HSD17B6: variants seen among roughly 807,000 people sequenced by gnomAD.
HSD17B6 encodes hydroxysteroid 17-beta dehydrogenase 6.
Under a neutral mutation model 26.4 loss-of-function variants are expected in HSD17B6, and 16 were observed. The ratio of observed to expected loss-of-function variants is 0.61; its 90% CI spans 0.41 to 0.92. The LOEUF (loss-of-function observed/expected upper bound fraction) is 0.92. HSD17B6 is among the 40% of genes least tolerant of loss of function. The probability of loss-of-function intolerance (pLI) is 0.00; values close to 1 mark genes in which losing one functional copy is unlikely to be tolerated. For missense variants in HSD17B6, 357 were observed against 386.1 expected (o/e 0.92, Z 0.63); for synonymous variants, 139 against 153.0 (o/e 0.91, Z 0.68).
rs75261194 is a variant in HSD17B6 at position 56,781,094 on chromosome 12, G to A, written c.314-880G>A. On this transcript the variant is annotated intron_variant, in intron 2 of 4. Coordinates refer to ENST00000322165, the MANE Select transcript of HSD17B6 (RefSeq NM_003725.4). ...TTATGTTCAAGTGCTATTTCTTTAC[G>A]ACACCAAAAAGCAAACATTTCAAAC... Among the ~76,000 whole-genome samples, 566 of 152,098 alleles carry A rather than the reference G, an allele frequency of 3.7e-3. 3 individuals carry two copies. The highest frequency in any genetic ancestry group is 0.013 in the African/African-American group (537 of 41,498).
At chr12:56,777,170 C>T (rs1046369884) in intron 2 of HSD17B6, among the ~76,000 whole-genome samples, 3 of 152,122 alleles carry the variant, frequency 2.0e-5, no homozygotes, top group Non-Finnish European at 4.4e-5. Context: ...ATTGCTTGAG[C>T]AGGAGTTTGA....
chr12:56,771,413 G>A (rs946564560), intron 1 of HSD17B6, among the ~76,000 whole-genome samples: 3 of 151,196 alleles, frequency 2.0e-5, no homozygotes, highest in Non-Finnish European at 2.9e-5. Context: ...TTAGAACAGA[G>A]CCTGATACAC....
At chr12:56,784,100 C>T (rs1954816164) in intron 3 of HSD17B6, among the ~76,000 whole-genome samples, 1 of 151,642 alleles carries the variant, frequency 6.6e-6, no homozygotes, top group South Asian at 2.1e-4. Flanking sequence ...AGAGACGCTC[C>T]TCACTTCCTA....
At chr12:56,778,674 C>CTTT (rs1159153527) in intron 2 of HSD17B6, among the ~76,000 whole-genome samples, 10 of 122,964 alleles carry the variant, frequency 8.1e-5, no homozygotes, top group East Asian at 2.5e-4. Context: ...GAGTCTTTTT[C>CTTT]TTTTTTTTTT....
At chr12:56,786,670 T>G (rs1954881982) in intron 4 of HSD17B6, among the ~76,000 whole-genome samples, 3 of 152,134 alleles carry the variant, frequency 2.0e-5, no homozygotes, top group Admixed American at 6.5e-5. Flanking sequence ...GGCAACATAG[T>G]GAGACCTTGT....
At chr12:56,768,966 G>C (rs1954406295) in intron 1 of HSD17B6, among the ~76,000 whole-genome samples, 1 of 151,714 alleles carries the variant, frequency 6.6e-6, no homozygotes, top group Non-Finnish European at 1.5e-5. Context: ...GAAACTGTGA[G>C]AGGATTGCAG....
intron 1 of HSD17B6, chr12:56,770,690 A>C (rs1307111442): frequency 6.6e-6 from 1 of 152,164 alleles, no homozygotes; most frequent in Non-Finnish European, 1.5e-5. Context: ...CAAGGGCCTT[A>C]TAGTCTAAAA....
At chr12:56,766,427 C>T (rs567565009) in intron 1 of HSD17B6, among the ~76,000 whole-genome samples, 17 of 152,264 alleles carry the variant, frequency 1.1e-4, no homozygotes, top group African/African-American at 4.1e-4. Context: ...CCTGAAATGC[C>T]CTGGTTCCCA....
At chr12:56,780,607 C>T (rs1592370756) in intron 2 of HSD17B6, among the ~76,000 whole-genome samples, 1 of 152,144 alleles carries the variant, frequency 6.6e-6, no homozygotes, top group South Asian at 2.1e-4. Flanking sequence ...ATCTGTAATC[C>T]CAGCACTTTG....
At chr12:56,785,667 G>T (rs1954859803) in intron 4 of HSD17B6, among the ~76,000 whole-genome samples, 1 of 152,234 alleles carries the variant, frequency 6.6e-6, no homozygotes, top group Non-Finnish European at 1.5e-5. Context: ...TTAGAGGCAT[G>T]GACCCTTGAG....
At chr12:56,784,253 C>T (rs1226858962) in intron 3 of HSD17B6, among the ~76,000 whole-genome samples, 3 of 152,082 alleles carry the variant, frequency 2.0e-5, no homozygotes, top group Admixed American at 2.0e-4. Flanking sequence ...GGCAGAGACG[C>T]TCCTCACTTC....
At chr12:56,768,570 TAG>T (rs890609245) in intron 1 of HSD17B6, among the ~76,000 whole-genome samples, 1 of 151,868 alleles carries the variant, frequency 6.6e-6, no homozygotes, top group African/African-American at 2.4e-5. Context: ...GGGTAGGAAT[TAG>T]AGTGTCCAGG....
At chr12:56,783,880 C>G (rs1232122413) in intron 3 of HSD17B6, among the ~76,000 whole-genome samples, 2 of 151,056 alleles carry the variant, frequency 1.3e-5, no homozygotes, top group East Asian at 3.9e-4. Context: ...ACTTCCCAGA[C>G]GGGGTGGCAG....
intron 3 of HSD17B6, among the ~76,000 whole-genome samples, chr12:56,783,594 ACC>A (rs1242840575): frequency 1.8e-5 from 2 of 108,130 alleles, no homozygotes; most frequent in Admixed American, 9.4e-5. Context: ...GCGGGGGCTG[ACC>A]CCCCCACCTC....
At chr12:56,771,218 G>A (rs1025775287) in intron 1 of HSD17B6, among the ~76,000 whole-genome samples, 3 of 152,124 alleles carry the variant, frequency 2.0e-5, no homozygotes, top group African/African-American at 2.4e-5. Context: ...TCTCCTTCCC[G>A]AGGTGTCAGA....
At chr12:56,771,185 A>G (rs901305082) in intron 1 of HSD17B6, among the ~76,000 whole-genome samples, 4 of 152,044 alleles carry the variant, frequency 2.6e-5, no homozygotes, top group Non-Finnish European at 5.9e-5. Flanking sequence ...AGCTCTTCCT[A>G]TCTTCTCCTC....
chr12:56,772,352 T>G (rs1444980558), intron 1 of HSD17B6, among the ~76,000 whole-genome samples: 1 of 152,170 alleles, frequency 6.6e-6, no homozygotes, highest in Non-Finnish European at 1.5e-5. Flanking sequence ...AAGTAGTTGT[T>G]GAATTAATGT....
intron 2 of HSD17B6, among the ~76,000 whole-genome samples, chr12:56,779,415 G>A (rs553600009): frequency 6.6e-6 from 1 of 152,282 alleles, no homozygotes; most frequent in East Asian, 1.9e-4. Context: ...TGGGATTACA[G>A]GCATGAGCCA....
intron 1 of HSD17B6, among the ~76,000 whole-genome samples, chr12:56,771,448 ATTTTTTTT>A (rs35374137): frequency 2.2e-4 from 21 of 93,336 alleles, no homozygotes; most frequent in South Asian, 4.0e-4. Flanking sequence ...AAGGGTTGCA[ATTTTTTTT>A]TTTTTTTTTT....
Sources: gnomAD v4.1 joint callset for allele counts (sites outside exome capture counted in the v4.1 genomes callset) on GRCh38, gnomAD v4.1.1 for gene constraint, MANE v1.5 for transcripts, NCBI Gene and HGNC (gene_info 2026-07-23, HGNC 2026-07-21) for gene names.